AKAP10: variants seen among roughly 807,000 people sequenced by gnomAD.
AKAP10 encodes A-kinase anchoring protein 10, also known as A-kinase anchor protein 10, mitochondrial.
Under a neutral mutation model 80.8 loss-of-function variants are expected in AKAP10, and 24 were observed. The ratio of observed to expected loss-of-function variants is 0.30; its 90% CI spans 0.22 to 0.42. The LOEUF is 0.42. Among genes scored for constraint, AKAP10 ranks in the 10% least tolerant of loss-of-function variants. AKAP10 has a pLI of 1.00. For missense variants in AKAP10, 661 were observed against 794.9 expected, an observed-to-expected ratio of 0.83 and a Z score of 2.03; for synonymous variants, 291 against 277.7, an observed-to-expected ratio of 1.05 and a Z score of -0.48.
intron 11 of AKAP10, among the ~76,000 whole-genome samples, chr17:19,921,606 TG>T (rs2042817460): frequency 6.6e-6 from 1 of 150,640 alleles, no homozygotes; most frequent in Non-Finnish European, 1.5e-5. Context: ...GAGGCCAAGA[TG>T]GAAGGATTGC....
chr17:19,976,950 G>A (rs1032333561), intron 1 of AKAP10, among the ~76,000 whole-genome samples: 7 of 152,304 alleles, frequency 4.6e-5, no homozygotes, highest in South Asian at 2.1e-4. Flanking sequence ...TCAAAATTAA[G>A]CTGTTTCTAC....
At chr17:19,920,852 T>C (rs758498291) in intron 11 of AKAP10, among the ~76,000 whole-genome samples, 20 of 48,412 alleles carry the variant, frequency 4.1e-4, no homozygotes, top group African/African-American at 2.1e-3. Flanking sequence ...CAAGACTCTA[T>C]CTCAAAAAAA....
chr17:19,905,577 G>C lies in AKAP10; in HGVS notation c.*650C>G, dbSNP rs2042624374. On this transcript the variant is annotated 3_prime_UTR_variant, in exon 15 of 15. Coordinates refer to ENST00000225737, the MANE Select transcript of AKAP10 (RefSeq NM_007202.4). ...TGGTTTTAAGTATAGTGCATCTCAG[G>C]AGGAGGAATTAAAATGTGAAAACTA... is the stretch of plus-strand genomic sequence containing the variant. 1 of 152,652 alleles carries C rather than the reference G, an allele frequency of 6.6e-6. No homozygotes were observed. Among genetic ancestry groups the C allele is most frequent in the African/African-American group, 2.4e-5 (1 of 41,458 alleles). The allele number at this position is 152,652 out of a possible 1,614,324, so 9.5% of individuals were successfully genotyped here. A position where few individuals can be genotyped will look rare whatever the true frequency, so the allele number is the denominator to read the frequency against.
chr17:19,914,567 A>G (rs942335459), intron 12 of AKAP10, among the ~76,000 whole-genome samples: 1 of 150,152 alleles, frequency 6.7e-6, no homozygotes, highest in Non-Finnish European at 1.5e-5. Context: ...ATTTGAGCCC[A>G]AGAAGATGAG....
At chr17:19,911,835 CAAAAAAAAAAAAAAAAAAAA>C (rs71157844) in intron 12 of AKAP10, among the ~76,000 whole-genome samples, 1,828 of 55,206 alleles carry the variant, frequency 0.033, 88 homozygotes, top group African/African-American at 0.088. Flanking sequence ...AACTCTGTCA[CAAAAAAAAAAAAAAAAAAAA>C]AAAAAAAAAA....
intron 8 of AKAP10, among the ~76,000 whole-genome samples, chr17:19,938,270 T>C (rs1331647198): frequency 7.1e-6 from 1 of 141,358 alleles, no homozygotes; most frequent in Non-Finnish European, 1.5e-5. Flanking sequence ...AGAGTCTCCC[T>C]CTGTCAGCCA....
chr17:19,953,403 A>G (rs1227566430), intron 4 of AKAP10, among the ~76,000 whole-genome samples: 3 of 152,096 alleles, frequency 2.0e-5, no homozygotes, highest in African/African-American at 4.8e-5. Flanking sequence ...TAGAAAAGAA[A>G]TAATAAAGAG....
intron 3 of AKAP10, among the ~76,000 whole-genome samples, chr17:19,961,173 C>G (rs1016023902): frequency 7.0e-6 from 1 of 141,958 alleles, no homozygotes; most frequent in Non-Finnish European, 1.5e-5. Context: ...GAAACCCCGT[C>G]TCTACAAAAA....
chr17:19,946,213 A>ATTT (rs1555576569), intron 5 of AKAP10, among the ~76,000 whole-genome samples: 1 of 54,660 alleles, frequency 1.8e-5, no homozygotes, highest in African/African-American at 6.5e-5. Context: ...TTTTATATAT[A>ATTT]TATATATTTT....
chr17:19,940,325 A>C (rs1181437709), intron 7 of AKAP10, among the ~76,000 whole-genome samples: 2 of 152,214 alleles, frequency 1.3e-5, no homozygotes, highest in Non-Finnish European at 2.9e-5. Context: ...CGAGTGTCTA[A>C]ATTACTGCTT....
chr17:19,964,705 C>T (rs1215549579), intron 2 of AKAP10, among the ~76,000 whole-genome samples: 1 of 152,086 alleles, frequency 6.6e-6, no homozygotes, highest in Admixed American at 6.6e-5. Flanking sequence ...GTCTGGCCAA[C>T]ATGGTGAAAC....
rs11870360 is a variant in AKAP10, at chr17:19,931,878, G to C, written c.1568C>G (p.Ser523Trp). The C allele has an allele frequency of 1.2e-6, 2 of 1,614,036 alleles. No individual in the cohort carries two copies. Among genetic ancestry groups the C allele is most frequent in the South Asian group, 1.1e-5 (1 of 91,078 alleles). ...RGDEFLGGNV[S>W]LTAPGSVGPP... is the part of the protein sequence containing the mutation. ...GCCAACAGAGCCAGGAGCAGTCAGC[G>C]ACACGTTCCCGCCCAGAAATTCATC... The change falls in exon 10 of 15, where the codon TCG (serine) becomes TGG (tryptophan). Residue 523 changes from serine to tryptophan, a missense_variant. Transcript: ENST00000225737.
intron 12 of AKAP10, among the ~76,000 whole-genome samples, chr17:19,910,325 C>CAAAAAAAAAAAAA (rs3031068): frequency 2.0e-4 from 18 of 90,646 alleles, no homozygotes; most frequent in African/African-American, 7.1e-4. Context: ...GACTCCAACT[C>CAAAAAAAAAAAAA]AAAAAAAAAA....
intron 5 of AKAP10, among the ~76,000 whole-genome samples, chr17:19,942,671 C>T (rs989848261): frequency 2.0e-5 from 3 of 152,098 alleles, no homozygotes; most frequent in Non-Finnish European, 4.4e-5. Context: ...AAATAAGGAA[C>T]TGCTAAAATA....
At chr17:19,926,306 G>T (rs1295045098) in intron 10 of AKAP10, among the ~76,000 whole-genome samples, 1 of 149,204 alleles carries the variant, frequency 6.7e-6, no homozygotes, top group Non-Finnish European at 1.5e-5. Flanking sequence ...AAAAAATCAG[G>T]AATGATAGGG....
At chr17:19,911,949 A>G (rs191824750) in intron 12 of AKAP10, among the ~76,000 whole-genome samples, 13 of 149,514 alleles carry the variant, frequency 8.7e-5, no homozygotes, top group Admixed American at 8.1e-4. Flanking sequence ...ATTTAAGTAC[A>G]GTTTTGTCTC....
At position 19,957,569 on chromosome 17, in the gene AKAP10, C is replaced by T. The variant is rs563890046; in HGVS notation, c.877+445G>A. Among the ~76,000 whole-genome samples, 7 of 152,042 alleles carry T rather than the reference C, an allele frequency of 4.6e-5. No homozygotes were observed. The East Asian group carries it at 1.4e-3, about 29-fold the overall frequency. On this transcript the variant is annotated intron_variant, in intron 4 of 14. Coordinates refer to ENST00000225737, the MANE Select transcript of AKAP10 (RefSeq NM_007202.4). ...AAGATAATCATGCCTACTACCTGCACAAAGGTCTTGTGACTAATAAATAAA... is the reference window on the plus strand; with the variant it reads ...AAGATAATCATGCCTACTACCTGCATAAAGGTCTTGTGACTAATAAATAAA...
chr17:19,904,705 T>C lies in AKAP10; in HGVS notation c.*1522A>G, dbSNP rs934783126. 7 of 152,074 alleles carry C rather than the reference T, an allele frequency of 4.6e-5. No individual in the cohort carries two copies. The highest frequency in any genetic ancestry group is 1.7e-4 in the African/African-American group (7 of 41,408). The allele number at this position is 152,074 out of a possible 1,614,324, so 9.4% of individuals were successfully genotyped here. A position where few individuals can be genotyped will look rare whatever the true frequency, so the allele number is the denominator to read the frequency against. On this transcript the variant is annotated 3_prime_UTR_variant, in exon 15 of 15. Coordinates refer to ENST00000225737, the MANE Select transcript of AKAP10 (RefSeq NM_007202.4). Reference sequence around the variant, plus strand: ...AAGCAAATGAAAATATTTGGAAAGATCAATATATTTCAACAGAAGAGCCAT... The same window carrying C: ...AAGCAAATGAAAATATTTGGAAAGACCAATATATTTCAACAGAAGAGCCAT...
intron 14 of AKAP10, among the ~76,000 whole-genome samples, chr17:19,906,695 C>T (rs1006961956): frequency 6.6e-6 from 1 of 152,150 alleles, no homozygotes. Context: ...GACATGTGCA[C>T]ATGAAGCAAT....
Sources: allele counts gnomAD v4.1 joint callset (sites outside exome capture counted in the v4.1 genomes callset), GRCh38; gene constraint gnomAD v4.1.1; transcripts MANE v1.5; gene names NCBI Gene and HGNC (gene_info 2026-07-23, HGNC 2026-07-21).